CNTN5: variants seen among roughly 807,000 people sequenced by gnomAD.
CNTN5 encodes contactin-5.
CNTN5 carries 77 observed loss-of-function variants against 129.1 expected under a neutral mutation model. The ratio of observed to expected loss-of-function variants is 0.60; its 90% CI spans 0.50 to 0.72. The LOEUF (loss-of-function observed/expected upper bound fraction) is 0.72, where lower values mean the gene tolerates loss of function less well. Ranked by LOEUF, CNTN5 falls within the 30% of genes least tolerant of loss-of-function variation. CNTN5 has a pLI of 0.00. For synonymous variants in CNTN5, 509 were observed against 465.6 expected, an observed-to-expected ratio of 1.09 and a Z score of -1.20; for missense variants, 1,478 against 1,328.8, an observed-to-expected ratio of 1.11 and a Z score of -1.75.
chr11:99,144,568 T>C (rs1200333506), intron 1 of CNTN5, among the ~76,000 whole-genome samples: 3 of 152,186 alleles, frequency 2.0e-5, no homozygotes, highest in African/African-American at 4.8e-5. Context: ...AATTTTCGTA[T>C]TTGTTCAGTT....
At chr11:99,360,188 G>T (rs1939006619) in intron 2 of CNTN5, among the ~76,000 whole-genome samples, 2 of 152,294 alleles carry the variant, frequency 1.3e-5, no homozygotes, top group South Asian at 4.1e-4. Context: ...ACCCCTGAAG[G>T]TTCCAGCCAG....
chr11:99,153,228 G>A (rs550835500), intron 1 of CNTN5, among the ~76,000 whole-genome samples: 1 of 152,120 alleles, frequency 6.6e-6, no homozygotes, highest in African/African-American at 2.4e-5. Flanking sequence ...ATGATATCCC[G>A]AAACATAGTT....
At position 99,333,095 on chromosome 11, in the gene CNTN5, A is replaced by G. The variant is rs1866072230; in HGVS notation, c.-71+7611A>G. On this transcript the variant is annotated intron_variant, in intron 2 of 24. Transcript: ENST00000524871. ...CTTTTAAATTGCACATTGTGGCACAAGATCAGTGTTTAGTCAAATCTATTC... is the reference window on the plus strand; with the variant it reads ...CTTTTAAATTGCACATTGTGGCACAGGATCAGTGTTTAGTCAAATCTATTC... Among the ~76,000 whole-genome samples the G allele has an allele frequency of 2.0e-5, 3 of 152,188 alleles. No individual in the cohort carries two copies. The South Asian group carries it at 6.2e-4, about 32-fold the overall frequency.
intron 1 of CNTN5, among the ~76,000 whole-genome samples, chr11:99,173,653 A>G (rs539387260): frequency 2.0e-5 from 3 of 152,344 alleles, no homozygotes; most frequent in African/African-American, 4.8e-5. Flanking sequence ...GGATTATTAC[A>G]TAGAAAAGGT....
chr11:100,279,502 C>A (rs1329807758), intron 18 of CNTN5, among the ~76,000 whole-genome samples: 1 of 151,606 alleles, frequency 6.6e-6, no homozygotes, highest in Non-Finnish European at 1.5e-5. Flanking sequence ...CATTATCGAT[C>A]TGCTTAAGTT....
chr11:100,193,354 A>G (rs1591376953), intron 14 of CNTN5, 134 bp from the exon 15 acceptor site: 2 of 531,928 alleles, frequency 3.8e-6, no homozygotes, highest in Middle Eastern at 4.9e-4. Flanking sequence ...ATAAAGATGT[A>G]AAAAAGCTGG....
chr11:99,760,851 G>C (rs146737786), intron 3 of CNTN5, among the ~76,000 whole-genome samples: 33 of 152,084 alleles, frequency 2.2e-4, no homozygotes, highest in Non-Finnish European at 3.8e-4. Flanking sequence ...ACAGAGGTTT[G>C]TTTTGTATCA....
At chr11:99,024,701 G>C (rs1471004020) in intron 1 of CNTN5, among the ~76,000 whole-genome samples, 1 of 151,954 alleles carries the variant, frequency 6.6e-6, no homozygotes, top group African/African-American at 2.4e-5. Flanking sequence ...AAGTATGGTA[G>C]TTTCTCTTTT....
chr11:99,951,439 C>A (rs1036317400), intron 7 of CNTN5, among the ~76,000 whole-genome samples: 3 of 151,944 alleles, frequency 2.0e-5, no homozygotes, highest in Non-Finnish European at 4.4e-5. Context: ...AATCTAGGAG[C>A]CAAAATGATT....
chr11:100,178,609 G>A (rs1565317228), intron 13 of CNTN5, among the ~76,000 whole-genome samples: 1 of 152,174 alleles, frequency 6.6e-6, no homozygotes, highest in African/African-American at 2.4e-5. Flanking sequence ...AAGCATTAAT[G>A]CTATTCACCA....
chr11:99,522,400 G>T (rs985107754), intron 2 of CNTN5, among the ~76,000 whole-genome samples: 7 of 151,984 alleles, frequency 4.6e-5, no homozygotes, highest in African/African-American at 1.7e-4. Flanking sequence ...TTAATAACAA[G>T]TCTAGAAAAT....
intron 1 of CNTN5, among the ~76,000 whole-genome samples, chr11:99,235,741 T>A (rs1245046546): frequency 6.6e-6 from 1 of 152,186 alleles, no homozygotes; most frequent in South Asian, 2.1e-4. Flanking sequence ...ACTTAGTAGA[T>A]TTTGTTTCTA....
intron 3 of CNTN5, among the ~76,000 whole-genome samples, chr11:99,585,385 G>A (rs1215371945): frequency 4.6e-5 from 7 of 152,140 alleles, no homozygotes; most frequent in Non-Finnish European, 7.4e-5. Context: ...ATGAAAAAAG[G>A]TAGGAGGATC....
chr11:99,817,113 T>C (rs1946612774), intron 3 of CNTN5, among the ~76,000 whole-genome samples: 2 of 152,176 alleles, frequency 1.3e-5, no homozygotes, highest in Admixed American at 1.3e-4. Flanking sequence ...ATACTGCCTT[T>C]TTTCCCCACT....
At chr11:99,893,242 T>C (rs1332193084) in intron 6 of CNTN5, among the ~76,000 whole-genome samples, 1 of 152,184 alleles carries the variant, frequency 6.6e-6, no homozygotes, top group Non-Finnish European at 1.5e-5. Context: ...TGTCATTTTC[T>C]TCCCCAACTA....
intron 7 of CNTN5, among the ~76,000 whole-genome samples, chr11:99,932,182 G>A (rs1384960796): frequency 2.0e-5 from 3 of 151,758 alleles, no homozygotes; most frequent in Non-Finnish European, 2.9e-5. Context: ...TTGTTGAAAC[G>A]TGTATTTTAT....
rs1942927159 is a variant in CNTN5, at chr11:100,051,074, T to C, written c.981-10138T>C. On this transcript the variant is annotated intron_variant, in intron 9 of 24. Coordinates refer to ENST00000524871, the MANE Select transcript of CNTN5 (RefSeq NM_014361.4). ...ATCAGTAAATAACCTTATTCTCCAG[T>C]AATTTATCAATTATAAGAAGAACAA... 2.0e-5 allele frequency among the ~76,000 whole-genome samples: 3 copies of C among 152,248 alleles called. No homozygotes were observed. In the South Asian group the frequency reaches 6.2e-4, roughly 32 times the overall value.
intron 13 of CNTN5, among the ~76,000 whole-genome samples, chr11:100,152,685 A>G (rs1464510570): frequency 3.3e-5 from 5 of 152,166 alleles, no homozygotes; most frequent in African/African-American, 1.2e-4. Flanking sequence ...AGTACTTAAA[A>G]GACTCAGAAG....
intron 1 of CNTN5, among the ~76,000 whole-genome samples, chr11:99,071,138 G>A (rs1325414392): frequency 2.0e-5 from 3 of 152,010 alleles, no homozygotes; most frequent in African/African-American, 2.4e-5. Flanking sequence ...CATTACCAAA[G>A]CCTATAACTA....
Sources: gnomAD v4.1 joint callset for allele counts (sites outside exome capture counted in the v4.1 genomes callset) on GRCh38, gnomAD v4.1.1 for gene constraint, MANE v1.5 for transcripts, NCBI Gene and HGNC (gene_info 2026-07-23, HGNC 2026-07-21) for gene names.